DAB1: variants seen among roughly 807,000 people sequenced by gnomAD.
DAB1 encodes DAB adaptor protein 1.
A neutral mutation model predicts 64.6 loss-of-function variants in DAB1; 15 were observed. The observed-to-expected ratio is 0.23, with a 90% CI of 0.16 to 0.36. The LOEUF (loss-of-function observed/expected upper bound fraction) is 0.36. Among genes scored for constraint, DAB1 ranks in the 10% least tolerant of loss-of-function variants. The pLI is 1.00. For missense variants in DAB1, 596 were observed against 706.7 expected (o/e 0.84, Z 1.78); for synonymous variants, 235 against 251.9 (o/e 0.93, Z 0.64).
At chr1:58,124,558 A>G (rs1029253600) in intron 5 of DAB1, among the ~76,000 whole-genome samples, 1 of 152,166 alleles carries the variant, frequency 6.6e-6, no homozygotes, top group African/African-American at 2.4e-5. Flanking sequence ...CATATTTGTG[A>G]TGAATTATAG....
intron 7 of DAB1, among the ~76,000 whole-genome samples, chr1:57,492,085 T>C (rs1305254649): frequency 5.9e-5 from 9 of 152,316 alleles, no homozygotes; most frequent in Admixed American, 4.6e-4. Flanking sequence ...AAAGCCTTAG[T>C]TGTCAAACTA....
At chr1:58,135,594 G>C (rs910234843) in intron 5 of DAB1, among the ~76,000 whole-genome samples, 2 of 151,858 alleles carry the variant, frequency 1.3e-5, no homozygotes, top group African/African-American at 4.8e-5. Flanking sequence ...TTGTTACCTG[G>C]GTATGTTGTG....
At chr1:57,658,563 A>G (rs1646346064) in intron 6 of DAB1, among the ~76,000 whole-genome samples, 1 of 150,168 alleles carries the variant, frequency 6.7e-6, no homozygotes, top group African/African-American at 2.5e-5. Context: ...TCGGCCTCCC[A>G]AAGTTTCTTA....
At chr1:58,344,023 A>T (rs1040918729) in intron 3 of DAB1, among the ~76,000 whole-genome samples, 2 of 152,170 alleles carry the variant, frequency 1.3e-5, no homozygotes, top group Admixed American at 1.3e-4. Flanking sequence ...TGATAAAATG[A>T]CATTAAAACA....
At chr1:57,825,426 C>G (rs1473993849), downstream of DAB1, among the ~76,000 whole-genome samples, 1 of 152,174 alleles carries the variant, frequency 6.6e-6, no homozygotes, top group Non-Finnish European at 1.5e-5. Context: ...GGAAGGCACA[C>G]AGGGCTATAG....
At chr1:57,849,070 T>C (rs1367880411) in intron 1 of DAB1, among the ~76,000 whole-genome samples, 1 of 152,180 alleles carries the variant, frequency 6.6e-6, no homozygotes, top group Admixed American at 6.5e-5. Flanking sequence ...CTCTTGAAAA[T>C]GTGCCTCTCT....
intron 3 of DAB1, among the ~76,000 whole-genome samples, chr1:58,501,379 T>A (rs1393844473): frequency 2.0e-5 from 3 of 152,196 alleles, no homozygotes; most frequent in African/African-American, 7.2e-5. Context: ...GCAGGAGCTG[T>A]AGATCACATC....
chr1:58,256,043 T>C (rs924467131), intron 4 of DAB1, among the ~76,000 whole-genome samples: 1 of 152,174 alleles, frequency 6.6e-6, no homozygotes, highest in African/African-American at 2.4e-5. Context: ...CCTGTGGCCA[T>C]GGAGTTCAGC....
chr1:57,302,146 G>T (rs1673714122), intron 1 of DAB1, among the ~76,000 whole-genome samples: 1 of 152,118 alleles, frequency 6.6e-6, no homozygotes, highest in Non-Finnish European at 1.5e-5. Flanking sequence ...TGCTTGACGG[G>T]AAGCAACCCA....
chr1:57,288,195 T>C (rs1429349971), intron 2 of DAB1, among the ~76,000 whole-genome samples: 1 of 152,142 alleles, frequency 6.6e-6, no homozygotes, highest in Non-Finnish European at 1.5e-5. Context: ...AATTGCAAAA[T>C]ATTGTTCTGG....
At chr1:58,108,493 A>G (rs1320003408) in intron 5 of DAB1, among the ~76,000 whole-genome samples, 2 of 152,240 alleles carry the variant, frequency 1.3e-5, no homozygotes, top group African/African-American at 4.8e-5. Flanking sequence ...TACCATATTT[A>G]GAAATGAAAA....
At chr1:57,112,111 C>T (rs554410170) in intron 4 of DAB1, among the ~76,000 whole-genome samples, 1 of 152,280 alleles carries the variant, frequency 6.6e-6, no homozygotes, top group African/African-American at 2.4e-5. Context: ...TTCTTTTACT[C>T]TAGGGTTTAG....
chr1:57,401,376 A>T (rs76475556), intron 1 of DAB1, among the ~76,000 whole-genome samples: 16,561 of 152,262 alleles, frequency 0.11, 986 homozygotes, highest in Admixed American at 0.13. Context: ...AATTCAAAAT[A>T]CTTTCATAAA....
intron 6 of DAB1, among the ~76,000 whole-genome samples, chr1:57,715,099 T>C (rs1647069356): frequency 6.6e-6 from 1 of 152,144 alleles, no homozygotes; most frequent in African/African-American, 2.4e-5. Flanking sequence ...TGGGATTCAT[T>C]CCAGGGATGC....
At chr1:58,468,469 C>T (rs1315194259) in intron 3 of DAB1, 1 of 152,112 alleles carries the variant, frequency 6.6e-6, no homozygotes, top group Non-Finnish European at 1.5e-5. Context: ...TGATCTGTTT[C>T]CCAGGTGAGA....
At chr1:57,643,302 G>C (rs979454511) in intron 7 of DAB1, among the ~76,000 whole-genome samples, 2 of 152,122 alleles carry the variant, frequency 1.3e-5, no homozygotes, top group African/African-American at 2.4e-5. Flanking sequence ...TCTTGTCTTT[G>C]AATGGATAGT....
intron 5 of DAB1, among the ~76,000 whole-genome samples, chr1:57,948,398 T>C (rs1238408252): frequency 6.6e-6 from 1 of 152,246 alleles, no homozygotes; most frequent in Non-Finnish European, 1.5e-5. Flanking sequence ...ATCTGTGTGT[T>C]GCTTGTGTAA....
chr1:58,158,151 A>G (rs928403956), intron 4 of DAB1, among the ~76,000 whole-genome samples: 1 of 152,168 alleles, frequency 6.6e-6, no homozygotes, highest in Non-Finnish European at 1.5e-5. Flanking sequence ...GGAGAAAGGA[A>G]GACCAAAGCC....
At chr1:58,398,653 T>C (rs1644543657) in intron 3 of DAB1, among the ~76,000 whole-genome samples, 1 of 152,234 alleles carries the variant, frequency 6.6e-6, no homozygotes. Context: ...ACTGCAATTT[T>C]GCAGGAGTAA....
Sources: allele counts gnomAD v4.1 joint callset (sites outside exome capture counted in the v4.1 genomes callset), GRCh38; gene constraint gnomAD v4.1.1; transcripts MANE v1.5; gene names NCBI Gene and HGNC (gene_info 2026-07-23, HGNC 2026-07-21).